Variants in LRMDA observed in about 807,000 individuals in gnomAD.
LRMDA encodes leucine rich melanocyte differentiation associated, also known as leucine-rich melanocyte differentiation-associated protein.
LRMDA carries 18 observed loss-of-function variants against 29.8 expected under a neutral mutation model. The observed-to-expected ratio is 0.60, with a 90% CI of 0.42 to 0.90. The LOEUF is 0.90. Ranked by LOEUF, LRMDA falls within the 40% of genes least tolerant of loss-of-function variation. The pLI is 0.00. For synonymous variants in LRMDA, 125 were observed against 109.4 expected (o/e 1.14, Z -0.89); for missense variants, 273 against 273.9 (o/e 1.00, Z 0.02).
chr10:76,538,361 A>C (rs1843312800), intron 6 of LRMDA, among the ~76,000 whole-genome samples: 1 of 150,404 alleles, frequency 6.6e-6, no homozygotes, highest in Non-Finnish European at 1.5e-5. Flanking sequence ...TTTTTTTTTA[A>C]CCTTGTTTTT....
At chr10:76,417,364 C>G (rs372877804) in intron 6 of LRMDA, among the ~76,000 whole-genome samples, 10 of 152,114 alleles carry the variant, frequency 6.6e-5, no homozygotes, top group Admixed American at 2.6e-4. Context: ...TTGGCAATTG[C>G]CAACTTATTT....
At chr10:75,842,774 T>C (rs1844563388) in intron 2 of LRMDA, among the ~76,000 whole-genome samples, 1 of 151,928 alleles carries the variant, frequency 6.6e-6, no homozygotes, top group Non-Finnish European at 1.5e-5. Flanking sequence ...ACACCTATAA[T>C]GCCAGCACTT....
intron 2 of LRMDA, among the ~76,000 whole-genome samples, chr10:75,562,388 A>G (rs1298160148): frequency 6.6e-6 from 1 of 151,902 alleles, no homozygotes; most frequent in African/African-American, 2.4e-5. Context: ...TGCTTGGTAG[A>G]TCTTCCTCCA....
At chr10:76,504,774 A>G (rs1842943455) in intron 6 of LRMDA, among the ~76,000 whole-genome samples, 2 of 152,034 alleles carry the variant, frequency 1.3e-5, no homozygotes, top group South Asian at 4.1e-4. Flanking sequence ...TATGCCTTTT[A>G]AGTGGGGTGT....
chr10:75,527,398 T>C (rs1564792909), intron 2 of LRMDA, among the ~76,000 whole-genome samples: 1 of 152,164 alleles, frequency 6.6e-6, no homozygotes, highest in Non-Finnish European at 1.5e-5. Flanking sequence ...TTTTTGGATG[T>C]ATGCCTAGGA....
chr10:75,879,336 T>G (rs2132341579), intron 2 of LRMDA, among the ~76,000 whole-genome samples: 1 of 152,330 alleles, frequency 6.6e-6, no homozygotes, highest in South Asian at 2.1e-4. Context: ...ACCTTTGCCC[T>G]TAGAAACTCT....
At chr10:76,431,373 T>C (rs1156752390) in intron 6 of LRMDA, among the ~76,000 whole-genome samples, 1 of 152,134 alleles carries the variant, frequency 6.6e-6, no homozygotes, top group Non-Finnish European at 1.5e-5. Flanking sequence ...AGCTCAGTTC[T>C]CTCCTCACAT....
At chr10:75,628,522 A>T (rs1351223411) in intron 2 of LRMDA, among the ~76,000 whole-genome samples, 6 of 152,232 alleles carry the variant, frequency 3.9e-5, no homozygotes, top group Non-Finnish European at 7.3e-5. Context: ...AATGTACTTC[A>T]CAGTGAAGAT....
At chr10:75,801,872 A>G (rs1477700281) in intron 2 of LRMDA, among the ~76,000 whole-genome samples, 1 of 152,190 alleles carries the variant, frequency 6.6e-6, no homozygotes, top group African/African-American at 2.4e-5. Context: ...CTGGTAAGAG[A>G]TGATGATGAT....
At chr10:76,477,290 TCC>T (rs1842684636) in intron 6 of LRMDA, among the ~76,000 whole-genome samples, 1 of 151,926 alleles carries the variant, frequency 6.6e-6, no homozygotes, top group Non-Finnish European at 1.5e-5. Flanking sequence ...ATGAGTGAAC[TCC>T]CATTCACAAT....
chr10:76,228,637 G>A (rs1852005406), intron 5 of LRMDA, among the ~76,000 whole-genome samples: 1 of 152,304 alleles, frequency 6.6e-6, no homozygotes, highest in Admixed American at 6.5e-5. Context: ...CAGGAGTGGG[G>A]TTGGCGAGTC....
At chr10:75,608,951 T>G (rs184284104) in intron 2 of LRMDA, among the ~76,000 whole-genome samples, 4 of 152,326 alleles carry the variant, frequency 2.6e-5, no homozygotes, top group Admixed American at 2.6e-4. Context: ...CAACAGTTTG[T>G]CTGGTGCAGT....
At chr10:76,215,694 C>T (rs1851716215) in intron 5 of LRMDA, among the ~76,000 whole-genome samples, 1 of 152,142 alleles carries the variant, frequency 6.6e-6, no homozygotes, top group African/African-American at 2.4e-5. Context: ...TACTTAACCA[C>T]GTTGTTCTTG....
At chr10:75,844,639 T>C (rs1284988839) in intron 2 of LRMDA, among the ~76,000 whole-genome samples, 3 of 152,296 alleles carry the variant, frequency 2.0e-5, no homozygotes, top group Middle Eastern at 3.4e-3. Context: ...ATATAACCTA[T>C]GCAAATCAAT....
chr10:76,293,778 A>G (rs763517910), intron 5 of LRMDA, among the ~76,000 whole-genome samples: 2 of 152,238 alleles, frequency 1.3e-5, no homozygotes, highest in Non-Finnish European at 2.9e-5. Context: ...GGCTATGAAA[A>G]ATGGCTCAAA....
intron 5 of LRMDA, among the ~76,000 whole-genome samples, chr10:76,305,055 G>A (rs1162513685): frequency 6.6e-6 from 1 of 152,170 alleles, no homozygotes; most frequent in African/African-American, 2.4e-5. Flanking sequence ...GGAGTCCTTT[G>A]AGCTCTGTAA....
intron 6 of LRMDA, among the ~76,000 whole-genome samples, chr10:76,447,567 G>C (rs1324427152): frequency 1.3e-5 from 2 of 152,174 alleles, no homozygotes; most frequent in African/African-American, 4.8e-5. Context: ...TTCTATGTTA[G>C]TGGACTAGGA....
chr10:76,219,647 ACTCC>A (rs1851793143), intron 5 of LRMDA, among the ~76,000 whole-genome samples: 1 of 152,176 alleles, frequency 6.6e-6, no homozygotes, highest in Non-Finnish European at 1.5e-5. Flanking sequence ...AGAGACTTAG[ACTCC>A]CACACGTTAA....
At chr10:76,537,504 C>T (rs1589229111) in intron 6 of LRMDA, among the ~76,000 whole-genome samples, 1 of 152,118 alleles carries the variant, frequency 6.6e-6, no homozygotes, top group South Asian at 2.1e-4. Context: ...TCTGGAGGCC[C>T]AAAGGAAAAT....
Sources: gnomAD v4.1 joint callset for allele counts (sites outside exome capture counted in the v4.1 genomes callset) on GRCh38, gnomAD v4.1.1 for gene constraint, MANE v1.5 for transcripts, NCBI Gene and HGNC (gene_info 2026-07-23, HGNC 2026-07-21) for gene names.